The following COQ8A variants were observed in gnomAD, a reference collection of about 807,000 sequenced individuals.
The protein encoded by COQ8A is coenzyme Q8A.
In COQ8A, 51 loss-of-function variants were observed where a neutral mutation model predicts 65.0. The ratio of observed to expected loss-of-function variants is 0.78; its 90% CI spans 0.63 to 0.99. The LOEUF (loss-of-function observed/expected upper bound fraction) is 0.99, where lower values mean the gene tolerates loss of function less well. Ranked by LOEUF, COQ8A falls within the 50% of genes least tolerant of loss-of-function variation. COQ8A has a pLI of 0.00. For missense variants in COQ8A, 940 were observed against 875.0 expected (o/e 1.07, Z -0.94); for synonymous variants, 371 against 353.2 (o/e 1.05, Z -0.57).
At position 226,957,247 on chromosome 1, in the gene COQ8A, C is replaced by G. The variant is rs1472554043; in HGVS notation, c.-9-4130C>G. On this transcript the variant is annotated intron_variant, in intron 1 of 14. Coordinates refer to ENST00000366777, the MANE Select transcript of COQ8A (RefSeq NM_020247.5). ...ACACTCTCCCTAGTTCACACTCTCCCTGGCTCCTACTCTCCCAGATTCACA... is the reference window on the plus strand; with the variant it reads ...ACACTCTCCCTAGTTCACACTCTCCGTGGCTCCTACTCTCCCAGATTCACA... Among the ~76,000 whole-genome samples, 4 of 143,934 alleles carry G rather than the reference C, an allele frequency of 2.8e-5. No individual in the cohort carries two copies. The East Asian group carries it at 8.1e-4, about 29-fold the overall frequency. 94.4% of individuals were successfully genotyped at this position (143,934 alleles called of 152,430 possible). A position where few individuals can be genotyped will look rare whatever the true frequency, so the allele number is the denominator to read the frequency against.
At chr1:226,975,651 C>T (rs960658024) in intron 4 of COQ8A, among the ~76,000 whole-genome samples, 36 of 152,188 alleles carry the variant, frequency 2.4e-4, no homozygotes, top group Admixed American at 6.5e-4. Context: ...TGTTCTGCGC[C>T]GGCCCAGCCT....
chr1:226,965,071 C>A lies in COQ8A; in HGVS notation c.249C>A (p.Val83=). The A allele has an allele frequency of 1.2e-6, 2 of 1,613,984 alleles. No homozygotes were observed. The highest frequency in any genetic ancestry group is 1.7e-6 in the Non-Finnish European group (2 of 1,180,032). ...GGPEGEFHFS[V]PHAAGASTDF... ...CAGAAGGGGAGTTCCACTTCTCAGTCCCGCATGCAGCCGGAGCCTCCACAG... is the reference window on the plus strand; with the variant it reads ...CAGAAGGGGAGTTCCACTTCTCAGTACCGCATGCAGCCGGAGCCTCCACAG... Residue 83 remains valine (V), a synonymous_variant, in exon 3 of 15, where the codon GTC becomes GTA. Coordinates refer to ENST00000366777, the MANE Select transcript of COQ8A (RefSeq NM_020247.5).
At chr1:226,966,859 G>A (rs752484634) in intron 4 of COQ8A, among the ~76,000 whole-genome samples, 6 of 152,054 alleles carry the variant, frequency 3.9e-5, no homozygotes, top group East Asian at 1.9e-4. Flanking sequence ...TGGGAGCTGC[G>A]TAATGTGTGT....
chr1:226,979,486 T>C (rs928646720), intron 5 of COQ8A, among the ~76,000 whole-genome samples: 3 of 152,046 alleles, frequency 2.0e-5, no homozygotes, highest in African/African-American at 7.3e-5. Context: ...TCTTCCTCAA[T>C]GCCTCTGGAG....
At chr1:226,961,353 C>A in intron 1 of COQ8A, 24 bp from the exon 2 acceptor site, 1 of 1,613,090 alleles carries the variant, frequency 6.2e-7, no homozygotes. Flanking sequence ...GGGGCCTCCC[C>A]TGACTTGGCC....
In COQ8A at chr1:226,965,315, C is replaced by A. The variant is rs755181824; in HGVS notation, c.493C>A (p.Gln165Lys). 1 of 1,613,810 alleles carries A rather than the reference C, an allele frequency of 6.2e-7. No individual in the cohort carries two copies. Reference protein sequence around the residue: ...AMGFQRRFFHQDQSPVGGLTA... With the variant: ...AMGFQRRFFHKDQSPVGGLTA... ...GGGCTTTCAGCGAAGGTTCTTCCAC[C>A]AGGACCAATCCCCTGTTGGGGGCCT... is the stretch of plus-strand genomic sequence containing the variant. Residue 165 changes from glutamine to lysine, a missense_variant, in exon 3 of 15, where the codon CAG (glutamine) becomes AAG (lysine). Coordinates refer to ENST00000366777, the MANE Select transcript of COQ8A (RefSeq NM_020247.5).
Position 226,981,985 on chromosome 1 carries a change from AC to A in COQ8A, c.731-35del, listed in dbSNP as rs747264500. On this transcript the variant is annotated intron_variant, in intron 5 of 14. Transcript: ENST00000366777. ...GTGGGGCTTGCCATCCCACTCCCAGACCCCCCCGAGTGCCGTGGTGACCCCT... is the reference window on the plus strand; with the variant it reads ...GTGGGGCTTGCCATCCCACTCCCAGACCCCCCGAGTGCCGTGGTGACCCCT... 12 of 1,611,450 alleles carry A rather than the reference AC, an allele frequency of 7.4e-6. No individual in the cohort carries two copies. The East Asian group carries it at 8.9e-5, about 12-fold the overall frequency.
chr1:226,957,287 C>CCA (rs1657856228), intron 1 of COQ8A, among the ~76,000 whole-genome samples: 1 of 136,048 alleles, frequency 7.4e-6, no homozygotes, highest in South Asian at 2.6e-4. Context: ...CCCTGCCCCC[C>CCA]CCCCCCCACC....
rs1460989048 is a variant in COQ8A at position 226,960,444 on chromosome 1, TTGG to T, written c.-9-923_-9-921del. On this transcript the variant is annotated intron_variant, in intron 1 of 14. Coordinates refer to ENST00000366777, the MANE Select transcript of COQ8A (RefSeq NM_020247.5). ...ACTTGGTGGTGGTACTTGGTGGTAC[TTGG>T]TGGTGGTGGCAGTACTTGGTGGTGG... Among the ~76,000 whole-genome samples, 858 of 136,634 alleles carry T rather than the reference TTGG, an allele frequency of 6.3e-3. 20 individuals carry two copies. Among genetic ancestry groups the T allele is most frequent in the East Asian group, 0.043 (143 of 3,296 alleles). The allele number at this position is 136,634 out of a possible 152,430, so 89.6% of individuals were successfully genotyped here.
At chr1:226,944,642 G>A (rs572883386) in intron 1 of COQ8A, among the ~76,000 whole-genome samples, 1 of 150,138 alleles carries the variant, frequency 6.7e-6, no homozygotes, top group Non-Finnish European at 1.5e-5. Flanking sequence ...GCCAGGGGTG[G>A]GGGCTTGAAG....
chr1:226,965,001 G>T lies in COQ8A; in HGVS notation c.179G>T (p.Gly60Val). 1 of 1,613,942 alleles carries T rather than the reference G, an allele frequency of 6.2e-7. No individual in the cohort carries two copies. Among genetic ancestry groups the T allele is most frequent in the South Asian group, 1.1e-5 (1 of 91,090 alleles). ...QIGMFLGKVQ[G>V]QDKHEEYFAE... ...AATGCTGGCCTTTGCTCCCTGCAGG[G>T]TCAGGATAAACATGAAGAATATTTT... The change falls in exon 3 of 15, where the codon GGT becomes GTT. Residue 60 changes from glycine (G) to valine (V), a missense_variant and splice_region_variant. Transcript: ENST00000366777.
At position 226,982,926 on chromosome 1, in the gene COQ8A, G is replaced by A. The variant is rs1350444582; in HGVS notation, c.972G>A (p.Trp324Ter). 6.2e-7 allele frequency: 1 copy of A among 1,612,358 alleles called. No individual in the cohort carries two copies. Among genetic ancestry groups the A allele is most frequent in the Admixed American group, 1.7e-5 (1 of 59,980 alleles). Reference sequence around the variant, plus strand: ...TCAACAACGACCTGGGCCCCAACTGGCGGGACAAGTTGGAATACTTCGAGG... The same window carrying A: ...TCAACAACGACCTGGGCCCCAACTGACGGGACAAGTTGGAATACTTCGAGG... Reference protein sequence around the residue: ...KTLNNDLGPNWRDKLEYFEER... With the variant: ...KTLNNDLGPN The change falls in exon 8 of 15, where the codon TGG becomes TGA. Residue 324 changes from tryptophan (W) to a stop codon, truncating the protein, a stop_gained. Coordinates refer to ENST00000366777, the MANE Select transcript of COQ8A (RefSeq NM_020247.5). LOFTEE classifies it high-confidence loss of function.
chr1:226,969,578 C>CGA (rs759178080), intron 4 of COQ8A, among the ~76,000 whole-genome samples: 166 of 152,334 alleles, frequency 1.1e-3, no homozygotes, highest in Non-Finnish European at 2.0e-3. Context: ...ATTGACCCTT[C>CGA]ATTCTTATGT....
chr1:226,974,943 AGGAGGAGCTCAATGT>A (rs1659104515), intron 4 of COQ8A: 1 of 152,438 alleles, frequency 6.6e-6, no homozygotes, highest in African/African-American at 2.4e-5. Context: ...TGCCTGCAGA[AGGAGGAGCTCAATGT>A]GGCCCACCCT....
Position 226,965,050 on chromosome 1 carries a change from A to AGGGGAG in COQ8A, c.229_234dup (p.Gly77_Glu78dup), listed in dbSNP as rs1250549732. On this transcript the variant is annotated inframe_insertion, in exon 3 of 15. Transcript: ENST00000366777. ...TTGCTGAGAACTTCGGCGGCCCAGA[A>AGGGGAG]GGGGAGTTCCACTTCTCAGTCCCGC... 4 of 1,613,916 alleles carry AGGGGAG rather than the reference A, an allele frequency of 2.5e-6. No homozygotes were observed. The African/African-American group carries it at 4.0e-5, about 16-fold the overall frequency.
At chr1:226,970,294 C>T (rs1481677219) in intron 4 of COQ8A, among the ~76,000 whole-genome samples, 2 of 152,206 alleles carry the variant, frequency 1.3e-5, no homozygotes, top group Non-Finnish European at 2.9e-5. Context: ...AGAAATGTGT[C>T]GTTAGGCAGT....
In COQ8A at chr1:226,987,130, A is replaced by G. The variant is rs916345132; in HGVS notation, c.*393A>G. 1.3e-5 allele frequency: 4 copies of G among 299,318 alleles called. No homozygotes were observed. Among genetic ancestry groups the G allele is most frequent in the South Asian group, 3.1e-5 (1 of 31,786 alleles). The allele number at this position is 299,318 out of a possible 1,614,324, so 18.5% of individuals were successfully genotyped here. ...ACAGATACGATTGTGGGATTTTATC[A>G]TCTGTGTAGTAGGTGTGTGTATGTG... On this transcript the variant is annotated 3_prime_UTR_variant, in exon 15 of 15. Transcript: ENST00000366777.
chr1:226,940,962 T>G (rs1296414530), intron 1 of COQ8A, among the ~76,000 whole-genome samples: 1 of 152,188 alleles, frequency 6.6e-6, no homozygotes, highest in Non-Finnish European at 1.5e-5. Flanking sequence ...CTTTCTTCCT[T>G]TCGCTTTTCT....
chr1:226,955,278 C>T (rs2148025267), intron 1 of COQ8A, among the ~76,000 whole-genome samples: 1 of 152,114 alleles, frequency 6.6e-6, no homozygotes, highest in Non-Finnish European at 1.5e-5. Context: ...AGGCTTGCAG[C>T]AGACAGCTGC....
Sources: gnomAD v4.1 joint callset for allele counts (sites outside exome capture counted in the v4.1 genomes callset) on GRCh38, gnomAD v4.1.1 for gene constraint, MANE v1.5 for transcripts, NCBI Gene and HGNC (gene_info 2026-07-23, HGNC 2026-07-21) for gene names.